SPMIP2: variants seen among roughly 807,000 people sequenced by gnomAD.
SPMIP2 encodes sperm microtubule inner protein 2, also known as protein SPMIP2.
chr4:158,956,323 T>A, the SPMIP2 span, among the ~76,000 whole-genome samples: 1 of 152,244 alleles, frequency 6.6e-6, no homozygotes, highest in South Asian at 2.1e-4. Context: ...CCCAGCACTT[T>A]GGGAGGCCGC....
At chr4:159,063,710 G>A in the SPMIP2 span, among the ~76,000 whole-genome samples, 6 of 152,148 alleles carry the variant, frequency 3.9e-5, no homozygotes, top group Admixed American at 2.6e-4. Flanking sequence ...GGCCGAAAGC[G>A]TGTTAACTTT....
the SPMIP2 span, among the ~76,000 whole-genome samples, chr4:158,984,612 C>T: frequency 2.6e-5 from 4 of 151,750 alleles, no homozygotes; most frequent in African/African-American, 9.7e-5. Flanking sequence ...ATACCAGAAT[C>T]TCTGGGACAC....
chr4:159,072,576 C>A, the SPMIP2 span, among the ~76,000 whole-genome samples: 1 of 150,402 alleles, frequency 6.6e-6, no homozygotes, highest in African/African-American at 2.5e-5. Context: ...AATTCTCCTG[C>A]CTCAGCTCCC....
the SPMIP2 span, among the ~76,000 whole-genome samples, chr4:158,925,227 G>A: frequency 6.6e-6 from 1 of 152,078 alleles, no homozygotes; most frequent in Non-Finnish European, 1.5e-5. Context: ...CTTGTTATAG[G>A]TCTATTCAAA....
At chr4:158,997,728 C>G in the SPMIP2 span, among the ~76,000 whole-genome samples, 1 of 152,188 alleles carries the variant, frequency 6.6e-6, no homozygotes, top group African/African-American at 2.4e-5. Context: ...TCCTGACTCA[C>G]TGCAGCCTTG....
chr4:159,033,306 G>C, the SPMIP2 span, among the ~76,000 whole-genome samples: 30 of 152,028 alleles, frequency 2.0e-4, no homozygotes, highest in Middle Eastern at 3.4e-3. Flanking sequence ...AAAGGGGGAG[G>C]GGGGAATGAA....
the SPMIP2 span, among the ~76,000 whole-genome samples, chr4:158,965,271 AG>A: frequency 6.6e-6 from 1 of 151,584 alleles, no homozygotes; most frequent in Admixed American, 6.6e-5. Context: ...TTTTAAAGAA[AG>A]ACTGGAATTA....
At chr4:158,933,188 G>C in the SPMIP2 span, among the ~76,000 whole-genome samples, 2 of 152,150 alleles carry the variant, frequency 1.3e-5, no homozygotes, top group Non-Finnish European at 2.9e-5. Context: ...ATTTTTAGTA[G>C]AGACAGTGTT....
At chr4:158,904,775 C>G in the SPMIP2 span, 1 of 495,236 alleles carries the variant, frequency 2.0e-6, no homozygotes, top group Non-Finnish European at 3.6e-6. Flanking sequence ...CATTTGTTAC[C>G]CATGAATCAA....
chr4:158,989,335 T>TC, the SPMIP2 span, among the ~76,000 whole-genome samples: 4 of 152,114 alleles, frequency 2.6e-5, no homozygotes, highest in Non-Finnish European at 5.9e-5. Context: ...TTCAACACTA[T>TC]CCCCATCAAG....
the SPMIP2 span, chr4:159,007,599 A>G: frequency 9.1e-7 from 1 of 1,103,912 alleles, no homozygotes; most frequent in South Asian, 1.2e-5. Context: ...AGCTTTCCAG[A>G]CAACCATTTC....
chr4:159,050,356 T>A, the SPMIP2 span, among the ~76,000 whole-genome samples: 1 of 150,188 alleles, frequency 6.7e-6, no homozygotes, highest in Non-Finnish European at 1.5e-5. Context: ...TTAATAAATA[T>A]GTCTGCAATT....
chr4:159,071,666 C>A, the SPMIP2 span, among the ~76,000 whole-genome samples: 1 of 152,156 alleles, frequency 6.6e-6, no homozygotes. Context: ...AATGTTTGTA[C>A]CTGAGAATTC....
the SPMIP2 span, chr4:158,907,499 G>A: frequency 6.6e-6 from 1 of 152,264 alleles, no homozygotes; most frequent in South Asian, 2.1e-4. Flanking sequence ...ATTAGGTCCT[G>A]AGATTTTATA....
chr4:158,901,901 G>T, the SPMIP2 span, among the ~76,000 whole-genome samples: 6,940 of 151,690 alleles, frequency 0.046, 408 homozygotes, highest in African/African-American at 0.14. Context: ...CTTTTTTCAA[G>T]GTTCTTAGCT....
chr4:158,994,513 AT>A, the SPMIP2 span, among the ~76,000 whole-genome samples: 1 of 152,192 alleles, frequency 6.6e-6, no homozygotes, highest in African/African-American at 2.4e-5. Flanking sequence ...ACATTATTTC[AT>A]TTTATAATAT....
the SPMIP2 span, among the ~76,000 whole-genome samples, chr4:159,052,103 A>C: frequency 6.6e-6 from 1 of 152,190 alleles, no homozygotes; most frequent in Non-Finnish European, 1.5e-5. Flanking sequence ...ATTCGGATGG[A>C]GGGAAGCAGA....
the SPMIP2 span, among the ~76,000 whole-genome samples, chr4:159,067,064 A>G: frequency 6.6e-6 from 1 of 152,242 alleles, no homozygotes; most frequent in African/African-American, 2.4e-5. Flanking sequence ...AAAGCATACA[A>G]GAAAGCAGTA....
chr4:158,991,902 CT>C, the SPMIP2 span, among the ~76,000 whole-genome samples: 3 of 152,010 alleles, frequency 2.0e-5, no homozygotes, highest in Non-Finnish European at 2.9e-5. Context: ...TCAGAAAATA[CT>C]TTTTTTCCTT....
Sources: allele counts gnomAD v4.1 joint callset (sites outside exome capture counted in the v4.1 genomes callset), GRCh38; gene constraint gnomAD v4.1.1; transcripts MANE v1.5; gene names NCBI Gene and HGNC (gene_info 2026-07-23, HGNC 2026-07-21).